CBFB: variants seen among roughly 807,000 people sequenced by gnomAD.
CBFB encodes the protein CBF-beta.
Under a neutral mutation model 30.4 loss-of-function variants are expected in CBFB, and 9 were observed. The observed-to-expected ratio is 0.30, with a 90% CI of 0.18 to 0.52. The LOEUF is 0.52. Ranked by LOEUF, CBFB falls within the 20% of genes least tolerant of loss-of-function variation. CBFB has a pLI of 0.97. For synonymous variants in CBFB, 94 were observed against 84.0 expected (o/e 1.12, Z -0.65); for missense variants, 170 against 244.0 (o/e 0.70, Z 2.02).
intron 5 of CBFB, among the ~76,000 whole-genome samples, chr16:67,091,666 C>T (rs1961883942): frequency 6.6e-6 from 1 of 152,216 alleles, no homozygotes; most frequent in African/African-American, 2.4e-5. Context: ...GTTGGAACAG[C>T]TCTCGCAGTC....
intron 5 of CBFB, among the ~76,000 whole-genome samples, chr16:67,083,731 C>T (rs962096588): frequency 6.6e-5 from 10 of 151,960 alleles, no homozygotes; most frequent in African/African-American, 2.4e-4. Context: ...ATGTTGGTTT[C>T]TGAATTTTGA....
intron 3 of CBFB, among the ~76,000 whole-genome samples, chr16:67,039,167 A>G (rs1365721923): frequency 6.6e-6 from 1 of 152,176 alleles, no homozygotes. Context: ...CTACACACTT[A>G]GGCTATCTGG....
intron 3 of CBFB, among the ~76,000 whole-genome samples, chr16:67,046,712 T>A (rs1597130175): frequency 6.6e-6 from 1 of 152,154 alleles, no homozygotes; most frequent in East Asian, 1.9e-4. Flanking sequence ...CTGATACTTT[T>A]GTGATCCTCA....
Position 67,098,756 on chromosome 16 carries a change from G to T in CBFB, c.542G>T (p.Gly181Val). 1 of 1,606,656 alleles carries T rather than the reference G, an allele frequency of 6.2e-7. No homozygotes were observed. Among genetic ancestry groups the T allele is most frequent in the Non-Finnish European group, 8.5e-7 (1 of 1,173,302 alleles). The stretch of plus-strand genomic sequence containing the variant: ...AGTCCTGGTTCCAATTTAGGTGGTG[G>T]TGATGACCTCAAACTTCGTTAATTA... ...DPSPGSNLGG[G>V]DDLKLR is the part of the protein sequence containing the mutation. Residue 181 changes from glycine (G) to valine (V), a missense_variant, in exon 6 of 6, where the codon GGT (glycine) becomes GTT (valine). Transcript: ENST00000412916.
At chr16:67,082,900 A>T (rs1315232859) in intron 5 of CBFB, among the ~76,000 whole-genome samples, 1 of 152,118 alleles carries the variant, frequency 6.6e-6, no homozygotes, top group Admixed American at 6.6e-5. Flanking sequence ...TACATTTTTT[A>T]AAATAATAAT....
chr16:67,048,851 A>C (rs1597131871), intron 3 of CBFB, among the ~76,000 whole-genome samples: 20 of 85,974 alleles, frequency 2.3e-4, no homozygotes, highest in Admixed American at 5.2e-4. Flanking sequence ...ATGGAGTTTC[A>C]CTCTTGTTGT....
At chr16:67,047,041 G>C (rs1203337998) in intron 3 of CBFB, among the ~76,000 whole-genome samples, 2 of 152,004 alleles carry the variant, frequency 1.3e-5, no homozygotes, top group East Asian at 3.9e-4. Flanking sequence ...GCCGGGCGCA[G>C]TAGCTCATAC....
At position 67,085,363 on chromosome 16, in the gene CBFB, T is replaced by C. The variant is rs1055944056; in HGVS notation, c.495+3055T>C. ...TTTTGTATTTTTAGTAGACACGAGG[T>C]TTCACCATGTTGGTCAGGCTGGTCT... is the stretch of plus-strand genomic sequence containing the variant. On this transcript the variant is annotated intron_variant, in intron 5 of 5. Coordinates refer to ENST00000412916, the MANE Select transcript of CBFB (RefSeq NM_022845.3). Among the ~76,000 whole-genome samples the C allele has an allele frequency of 5.9e-4, 89 of 152,120 alleles. 1 individual carries two copies. Among genetic ancestry groups the C allele is most frequent in the African/African-American group, 2.0e-3 (84 of 41,522 alleles).
At chr16:67,083,456 C>T (rs374943782) in intron 5 of CBFB, among the ~76,000 whole-genome samples, 2 of 151,858 alleles carry the variant, frequency 1.3e-5, no homozygotes, top group South Asian at 2.1e-4. Flanking sequence ...CCACCATGGC[C>T]GGCTAATTTT....
intron 2 of CBFB, among the ~76,000 whole-genome samples, chr16:67,031,427 A>C (rs892538606): frequency 6.6e-6 from 1 of 152,242 alleles, no homozygotes; most frequent in African/African-American, 2.4e-5. Context: ...TGCAAAGGGA[A>C]GGTGGTATAC....
At chr16:67,066,406 A>G (rs1961056542) in intron 3 of CBFB, among the ~76,000 whole-genome samples, 1 of 150,174 alleles carries the variant, frequency 6.7e-6, no homozygotes, top group Admixed American at 6.6e-5. Context: ...AAAAAAAAAA[A>G]AAAATTAGCC....
chr16:67,043,672 G>A (rs1218461827), intron 3 of CBFB, among the ~76,000 whole-genome samples: 1 of 152,212 alleles, frequency 6.6e-6, no homozygotes, highest in Non-Finnish European at 1.5e-5. Context: ...ACATGTAAAT[G>A]AGGATCAGAA....
intron 3 of CBFB, among the ~76,000 whole-genome samples, chr16:67,061,003 A>G (rs755109063): frequency 4.6e-5 from 7 of 152,202 alleles, no homozygotes; most frequent in African/African-American, 7.2e-5. Context: ...GGGTGATACC[A>G]CAGTTGATGG....
Position 67,099,184 on chromosome 16 carries a change from T to C in CBFB, c.*406T>C, listed in dbSNP as rs1962145934. On this transcript the variant is annotated 3_prime_UTR_variant, in exon 6 of 6. Transcript: ENST00000412916. ...TTTTCTATTTTTTTTTTTGTACTTC[T>C]AGATGTTTTGGTTATACAGCTTCAT... The C allele has an allele frequency of 8.4e-6, 2 of 238,282 alleles. No individual in the cohort carries two copies. The highest frequency in any genetic ancestry group is 1.8e-4 in the South Asian group (1 of 5,636). 14.8% of individuals were successfully genotyped at this position (238,282 alleles called of 1,614,324 possible).
At chr16:67,062,879 TATAAA>T (rs1476152961) in intron 3 of CBFB, among the ~76,000 whole-genome samples, 5 of 152,188 alleles carry the variant, frequency 3.3e-5, no homozygotes, top group Non-Finnish European at 7.4e-5. Context: ...TTATGACTAA[TATAAA>T]ATCCAGTTCA....
At chr16:67,089,860 C>T (rs780836121) in intron 5 of CBFB, among the ~76,000 whole-genome samples, 1 of 152,170 alleles carries the variant, frequency 6.6e-6, no homozygotes, top group African/African-American at 2.4e-5. Context: ...TGTTGCAGAG[C>T]TCAGTATCTG....
intron 5 of CBFB, among the ~76,000 whole-genome samples, chr16:67,095,076 G>A (rs1044907109): frequency 3.3e-5 from 5 of 151,618 alleles, no homozygotes; most frequent in East Asian, 1.9e-4. Flanking sequence ...AAAGTTAGTC[G>A]GGCATGGAAG....
intron 3 of CBFB, among the ~76,000 whole-genome samples, chr16:67,039,509 G>T (rs1966495868): frequency 6.6e-6 from 1 of 152,056 alleles, no homozygotes. Flanking sequence ...TGTTAAAATG[G>T]CTATGATGTC....
intron 2 of CBFB, among the ~76,000 whole-genome samples, chr16:67,031,612 G>A (rs1966350338): frequency 6.6e-6 from 1 of 152,218 alleles, no homozygotes; most frequent in Non-Finnish European, 1.5e-5. Context: ...CTGGGTTAAA[G>A]CGATTCTCCT....
Sources: gnomAD v4.1 joint callset for allele counts (sites outside exome capture counted in the v4.1 genomes callset) on GRCh38, gnomAD v4.1.1 for gene constraint, MANE v1.5 for transcripts, NCBI Gene and HGNC (gene_info 2026-07-23, HGNC 2026-07-21) for gene names.